The following CTSH variants were observed in gnomAD, a reference collection of about 807,000 sequenced individuals.
The protein encoded by CTSH is pro-cathepsin H.
CTSH carries 52 observed loss-of-function variants against 56.3 expected under a neutral mutation model. The observed-to-expected ratio is 0.92, with a 90% CI of 0.74 to 1.16. The LOEUF is 1.16. Ranked by LOEUF, CTSH falls within the 50% of genes most tolerant of loss-of-function variation. The pLI is 0.00. For synonymous variants in CTSH, 174 were observed against 155.7 expected (o/e 1.12, Z -0.88); for missense variants, 406 against 424.5 (o/e 0.96, Z 0.38).
At chr15:78,932,316 GC>G in intron 6 of CTSH, 55 bp downstream of exon 6, 2 of 1,497,390 alleles carry the variant, frequency 1.3e-6, no homozygotes, top group South Asian at 2.3e-5. Flanking sequence ...CCCAGGCCTG[GC>G]CCACATCAGG....
At position 78,939,296 on chromosome 15, in the gene CTSH, T is replaced by C. The variant is rs1465548500; in HGVS notation, c.92-125A>G. ...TGGACTAAATTTAAAACACCAAAAA[T>C]GGTGTTATATAATGCAGAATGCAAA... On this transcript the variant is annotated intron_variant, in intron 1 of 11. Transcript: ENST00000220166. 1.5e-5 allele frequency: 10 copies of C among 685,626 alleles called. No homozygotes were observed. In the South Asian group the frequency reaches 1.7e-4, roughly 12 times the overall value. The allele number at this position is 685,626 out of a possible 1,614,324, so 42.5% of individuals were successfully genotyped here.
Position 78,921,952 on chromosome 15 carries a change from A to G in CTSH, c.*178T>C. The G allele has an allele frequency of 1.7e-6, 1 of 605,114 alleles. No homozygotes were observed. The highest frequency in any genetic ancestry group is 2.0e-5 in the South Asian group (1 of 49,300). 37.5% of individuals were successfully genotyped at this position (605,114 alleles called of 1,614,324 possible). A position where few individuals can be genotyped will look rare whatever the true frequency, so the allele number is the denominator to read the frequency against. ...GATCTTTGCGTCATAGACACGGGTG[A>G]GCTCATGGTGGAACTCCTCCTTGTC... On this transcript the variant is annotated 3_prime_UTR_variant, in exon 12 of 12. Coordinates refer to ENST00000220166, the MANE Select transcript of CTSH (RefSeq NM_004390.5).
intron 1 of CTSH, among the ~76,000 whole-genome samples, chr15:78,943,005 C>T (rs533087768): frequency 1.2e-4 from 19 of 152,242 alleles, no homozygotes; most frequent in Middle Eastern, 3.4e-3. Context: ...ATTAAGGGCC[C>T]TGCTGCAGCT....
intron 2 of CTSH, among the ~76,000 whole-genome samples, chr15:78,938,609 A>G (rs1327189495): frequency 6.6e-6 from 1 of 152,156 alleles, no homozygotes; most frequent in African/African-American, 2.4e-5. Context: ...ATTCTTTGTT[A>G]TGGCTGAATA....
chr15:78,935,092 C>T lies in CTSH; in HGVS notation c.301-10G>A. The T allele has an allele frequency of 6.4e-7, 1 of 1,573,332 alleles. No homozygotes were observed. Among genetic ancestry groups the T allele is most frequent in the South Asian group, 1.1e-5 (1 of 89,992 alleles). On this transcript the variant is annotated splice_polypyrimidine_tract_variant and intron_variant, in intron 4 of 11. Coordinates refer to ENST00000220166, the MANE Select transcript of CTSH (RefSeq NM_004390.5). ...TGGTGGCTGAGCAATTCTGGAACAACCAAACACATTATTTTCAGGAAAATA... is the reference window on the plus strand; with the variant it reads ...TGGTGGCTGAGCAATTCTGGAACAATCAAACACATTATTTTCAGGAAAATA...
At chr15:78,938,308 G>A (rs1391383148) in intron 2 of CTSH, among the ~76,000 whole-genome samples, 2 of 152,116 alleles carry the variant, frequency 1.3e-5, no homozygotes, top group Non-Finnish European at 2.9e-5. Flanking sequence ...GGTGGAGGTT[G>A]CAGTGAGCCG....
intron 1 of CTSH, among the ~76,000 whole-genome samples, chr15:78,940,605 CTAAA>C (rs1196570177): frequency 6.6e-6 from 1 of 151,816 alleles, no homozygotes; most frequent in Non-Finnish European, 1.5e-5. Flanking sequence ...CCAGTGGAAT[CTAAA>C]TACCATGATG....
rs1193269592 is a variant in CTSH, at chr15:78,932,470, A to G, written c.406-12T>C. 4 of 1,607,928 alleles carry G rather than the reference A, an allele frequency of 2.5e-6. No homozygotes were observed. The highest frequency in any genetic ancestry group is 1.3e-5 in the African/African-American group (1 of 74,820). ...CTGCCGCAGGCACCCTGGAAAGGCC[A>G]GGGGAGAGCAGAGGACATCAGTGAT... On this transcript the variant is annotated splice_polypyrimidine_tract_variant and intron_variant, in intron 5 of 11. Coordinates refer to ENST00000220166, the MANE Select transcript of CTSH (RefSeq NM_004390.5).
At chr15:78,940,864 C>T (rs1037427485) in intron 1 of CTSH, among the ~76,000 whole-genome samples, 14 of 152,188 alleles carry the variant, frequency 9.2e-5, no homozygotes, top group African/African-American at 3.4e-4. Flanking sequence ...GAGGCTGAGG[C>T]AGGAGGATCG....
intron 1 of CTSH, among the ~76,000 whole-genome samples, chr15:78,941,095 A>G (rs1299243392): frequency 2.0e-5 from 3 of 152,224 alleles, no homozygotes; most frequent in East Asian, 3.9e-4. Flanking sequence ...TCACCTTCAC[A>G]TTCTTTTCTG....
intron 5 of CTSH, chr15:78,934,752 TA>T: frequency 1.6e-6 from 1 of 609,180 alleles, no homozygotes; most frequent in Non-Finnish European, 3.0e-6. Context: ...AGGAAGGGAG[TA>T]AACTTTAGCC....
At chr15:78,938,916 G>C (rs1020366530) in intron 2 of CTSH, among the ~76,000 whole-genome samples, 4 of 152,112 alleles carry the variant, frequency 2.6e-5, no homozygotes, top group Non-Finnish European at 5.9e-5. Context: ...GAATCCCAGG[G>C]CTTGGAAGGC....
intron 2 of CTSH, chr15:78,937,711 C>T (rs564820878): frequency 2.6e-5 from 35 of 1,366,966 alleles, no homozygotes; most frequent in African/African-American, 1.2e-4. Flanking sequence ...CACTCCTGGA[C>T]GCCACTGCTG....
rs148219875 is a variant in CTSH, at chr15:78,927,712, C to G, written c.699+1G>C. ...CATCCCAGAGGGGGATCGGCACTCA[C>G]GATTGTGATGTTGGCTACATCCTTG... On this transcript the variant is annotated splice_donor_variant, in intron 9 of 11. Coordinates refer to ENST00000220166, the MANE Select transcript of CTSH (RefSeq NM_004390.5). LOFTEE classifies it high-confidence loss of function. 5.6e-6 allele frequency: 9 copies of G among 1,613,968 alleles called. No homozygotes were observed. Among genetic ancestry groups the G allele is most frequent in the South Asian group, 3.3e-5 (3 of 91,080 alleles).
rs140274794 is a variant in CTSH, at chr15:78,937,437, C to T, written c.124-14G>A. The T allele has an allele frequency of 3.4e-5, 55 of 1,606,076 alleles. No homozygotes were observed. The African/African-American group carries it at 3.6e-4, about 11-fold the overall frequency. On this transcript the variant is annotated splice_polypyrimidine_tract_variant and intron_variant, in intron 2 of 11. Transcript: ENST00000220166. Reference sequence around the variant, plus strand: ...GGTCTTACGGTGCTAAAACAAAACACGCCAGTAGCAAGTCATGGAAACAGG... The same window carrying T: ...GGTCTTACGGTGCTAAAACAAAACATGCCAGTAGCAAGTCATGGAAACAGG...
intron 1 of CTSH, among the ~76,000 whole-genome samples, chr15:78,940,025 G>C (rs1437626868): frequency 1.3e-5 from 2 of 152,238 alleles, no homozygotes; most frequent in African/African-American, 2.4e-5. Context: ...CTGCGGCTCA[G>C]AGACAGCCAC....
At chr15:78,939,898 A>T (rs2055253066) in intron 1 of CTSH, among the ~76,000 whole-genome samples, 1 of 152,212 alleles carries the variant, frequency 6.6e-6, no homozygotes, top group Non-Finnish European at 1.5e-5. Context: ...CAACAACAAC[A>T]AAAAACAAAC....
In CTSH at chr15:78,922,203, T is replaced by C. The variant is rs758044646; in HGVS notation, c.935A>G (p.Tyr312Cys). The C allele has an allele frequency of 6.4e-7, 1 of 1,574,168 alleles. No homozygotes were observed. ...SWGPQWGMNG[Y>C]FLIERGKNMC... Reference sequence around the variant, plus strand: ...GTTCTTTCCGCGCTCGATGAGGAAGTACCTGGGCAGAAAGAGGAGCTGAGG... The same window carrying C: ...GTTCTTTCCGCGCTCGATGAGGAAGCACCTGGGCAGAAAGAGGAGCTGAGG... The change falls in exon 12 of 12, where the codon TAC (tyrosine) becomes TGC (cysteine). Residue 312 changes from tyrosine to cysteine, a missense_variant and splice_region_variant. Transcript: ENST00000220166.
At chr15:78,925,153 C>T (rs556605988) in intron 10 of CTSH, among the ~76,000 whole-genome samples, 181 bp downstream of exon 10, 4 of 152,330 alleles carry the variant, frequency 2.6e-5, no homozygotes, top group Non-Finnish European at 5.9e-5. Flanking sequence ...TGGCTCCTGG[C>T]CCTTGGGGCT....
Sources: gnomAD v4.1 joint callset for allele counts (sites outside exome capture counted in the v4.1 genomes callset) on GRCh38, gnomAD v4.1.1 for gene constraint, MANE v1.5 for transcripts, NCBI Gene and HGNC (gene_info 2026-07-23, HGNC 2026-07-21) for gene names.